SGCG: variants seen among roughly 807,000 people sequenced by gnomAD.
SGCG encodes sarcoglycan gamma.
A neutral mutation model predicts 29.3 loss-of-function variants in SGCG; 26 were observed. The ratio of observed to expected loss-of-function variants is 0.89; its 90% CI spans 0.65 to 1.23. The LOEUF is 1.23. Ranked by LOEUF, SGCG falls within the 50% of genes most tolerant of loss-of-function variation. The probability of loss-of-function intolerance (pLI) is 0.00; values close to 1 mark genes in which losing one functional copy is unlikely to be tolerated. For missense variants in SGCG, 353 were observed against 356.0 expected (o/e 0.99, Z 0.07); for synonymous variants, 145 against 129.7 (o/e 1.12, Z -0.80).
the SGCG span, among the ~76,000 whole-genome samples, chr13:23,163,212 C>CT: frequency 1.3e-5 from 2 of 152,160 alleles, no homozygotes; most frequent in Admixed American, 1.3e-4. Flanking sequence ...AACATGACAT[C>CT]TTCAAAATTA....
chr13:23,313,986 T>C (rs1882699100), intron 6 of SGCG, among the ~76,000 whole-genome samples: 1 of 152,126 alleles, frequency 6.6e-6, no homozygotes, highest in Non-Finnish European at 1.5e-5. Context: ...TTCCTGCCCT[T>C]GAACATCAGA....
At chr13:23,312,666 C>T (rs948390865) in intron 6 of SGCG, among the ~76,000 whole-genome samples, 8 of 152,024 alleles carry the variant, frequency 5.3e-5, no homozygotes, top group African/African-American at 1.9e-4. Context: ...GCCATTCGGG[C>T]AATGGTTAAC....
chr13:23,209,249 G>A (rs563582105), intron 2 of SGCG, among the ~76,000 whole-genome samples: 1 of 152,076 alleles, frequency 6.6e-6, no homozygotes, highest in Non-Finnish European at 1.5e-5. Flanking sequence ...TTTTTAGGAG[G>A]TCAGGAAACC....
chr13:23,192,131 C>T (rs915810188), intron 1 of SGCG, among the ~76,000 whole-genome samples: 1 of 147,940 alleles, frequency 6.8e-6, no homozygotes, highest in East Asian at 2.0e-4. Context: ...GCCGAGATCG[C>T]GCCATTGCAC....
chr13:23,229,148 G>T (rs758094590), intron 2 of SGCG, among the ~76,000 whole-genome samples: 1 of 152,146 alleles, frequency 6.6e-6, no homozygotes, highest in Admixed American at 6.5e-5. Context: ...GGGATTACAG[G>T]AACTGTAATC....
chr13:23,201,075 G>A (rs907281797), intron 1 of SGCG, among the ~76,000 whole-genome samples: 12 of 152,170 alleles, frequency 7.9e-5, no homozygotes, highest in Non-Finnish European at 1.3e-4. Context: ...TGTTAGAAAT[G>A]GACTGTAGGA....
rs149122629 is a variant in SGCG, at chr13:23,303,120, C to T, written c.578+7633C>T. Reference sequence around the variant, plus strand: ...TCACCAATTTTTTAATTTTCCCTTGCACATTACCCCTGGAAGTATTTCTAC... The same window carrying T: ...TCACCAATTTTTTAATTTTCCCTTGTACATTACCCCTGGAAGTATTTCTAC... On this transcript the variant is annotated intron_variant, in intron 6 of 7. Coordinates refer to ENST00000218867, the MANE Select transcript of SGCG (RefSeq NM_000231.3). Among the ~76,000 whole-genome samples the T allele has an allele frequency of 5.4e-3, 830 of 152,314 alleles. 8 individuals carry two copies. The highest frequency in any genetic ancestry group is 0.019 in the African/African-American group (788 of 41,560).
At chr13:23,266,128 T>C (rs1026278033) in intron 4 of SGCG, among the ~76,000 whole-genome samples, 6 of 151,664 alleles carry the variant, frequency 4.0e-5, no homozygotes, top group Admixed American at 2.6e-4. Flanking sequence ...ATACAAAAAT[T>C]AGGTATGGTG....
At chr13:23,213,895 C>G (rs1878328967) in intron 2 of SGCG, among the ~76,000 whole-genome samples, 2 of 152,162 alleles carry the variant, frequency 1.3e-5, no homozygotes, top group Non-Finnish European at 2.9e-5. Context: ...CTCCCTGGGG[C>G]TGGCTTCTGT....
intron 1 of SGCG, among the ~76,000 whole-genome samples, chr13:23,195,953 A>T (rs951015453): frequency 2.0e-5 from 3 of 151,996 alleles, no homozygotes; most frequent in Admixed American, 2.0e-4. Flanking sequence ...TACAAAAGAA[A>T]TTTGGGAAAT....
chr13:23,312,884 T>A (rs1184615297), intron 6 of SGCG, among the ~76,000 whole-genome samples: 2 of 152,126 alleles, frequency 1.3e-5, no homozygotes, highest in Non-Finnish European at 2.9e-5. Context: ...TAAAGAAATA[T>A]AAAAATCATG....
chr13:23,164,442 A>G, the SGCG span, among the ~76,000 whole-genome samples: 1 of 152,176 alleles, frequency 6.6e-6, no homozygotes, highest in Non-Finnish European at 1.5e-5. Flanking sequence ...ACGGAAGGAA[A>G]CTGGGCCCAG....
In SGCG at chr13:23,263,303, C is replaced by G. The variant is rs570243640; in HGVS notation, c.385+12586C>G. The stretch of plus-strand genomic sequence containing the variant: ...AGAAATGAAAATGGAGACAGTGCAA[C>G]TGACATCACAGAAATACTAAGGATC... On this transcript the variant is annotated intron_variant, in intron 4 of 7. Coordinates refer to ENST00000218867, the MANE Select transcript of SGCG (RefSeq NM_000231.3). Among the ~76,000 whole-genome samples the G allele has an allele frequency of 7.6e-4, 115 of 152,176 alleles. 4 individuals are homozygous for G. In the South Asian group the frequency reaches 0.022, roughly 29 times the overall value.
Position 23,324,505 on chromosome 13 carries a change from C to T in SGCG, c.840C>T (p.Ser280=). Reference sequence around the variant, plus strand: ...TGTACCTGTCTGTGGCCGGTGTGAGCACCACGTGCCAGGAGCACAACCACA... The same window carrying T: ...TGTACCTGTCTGTGGCCGGTGTGAGTACCACGTGCCAGGAGCACAACCACA... The part of the protein sequence containing the change: ...GKLYLSVAGV[S]TTCQEHNHIC... The change falls in exon 8 of 8, where the codon AGC becomes AGT. Residue 280 remains serine, a synonymous_variant. Transcript: ENST00000218867. 1 of 1,613,026 alleles carries T rather than the reference C, an allele frequency of 6.2e-7. No homozygotes were observed. Among genetic ancestry groups the T allele is most frequent in the Non-Finnish European group, 8.5e-7 (1 of 1,180,004 alleles).
rs190993559 is a variant in SGCG at position 23,251,271 on chromosome 13, A to G, written c.385+554A>G. 1.3e-3 allele frequency among the ~76,000 whole-genome samples: 205 copies of G among 152,324 alleles called. 2 individuals are homozygous for G. The highest frequency in any genetic ancestry group is 1.8e-3 in the Non-Finnish European group (123 of 68,032). On this transcript the variant is annotated intron_variant, in intron 4 of 7. Transcript: ENST00000218867. ...ACATCAAACAGTTTAGTCTTCAATT[A>G]CGCAAATTCTAAATCCACAAAGTAC...
intron 5 of SGCG, 65 bp downstream of exon 5, chr13:23,279,543 C>G (rs2137617923): frequency 1.3e-6 from 2 of 1,507,842 alleles, no homozygotes. Flanking sequence ...ACACATTGTA[C>G]TATTGACAAG....
At chr13:23,310,625 T>A (rs988944549) in intron 6 of SGCG, among the ~76,000 whole-genome samples, 3 of 152,294 alleles carry the variant, frequency 2.0e-5, no homozygotes, top group Admixed American at 6.5e-5. Context: ...GTAACTGGTT[T>A]ATTTGCCACA....
the SGCG span, among the ~76,000 whole-genome samples, chr13:23,161,863 C>A: frequency 6.6e-6 from 1 of 152,342 alleles, no homozygotes; most frequent in South Asian, 2.1e-4. Context: ...ATCAGACAGA[C>A]ACAATATTTA....
chr13:23,201,761 A>G (rs1353877282), intron 1 of SGCG, among the ~76,000 whole-genome samples: 3 of 152,236 alleles, frequency 2.0e-5, no homozygotes, highest in Non-Finnish European at 4.4e-5. Flanking sequence ...ATATACTCAC[A>G]TGTGTTCTTA....
Sources: gnomAD v4.1 joint callset for allele counts (sites outside exome capture counted in the v4.1 genomes callset) on GRCh38, gnomAD v4.1.1 for gene constraint, MANE v1.5 for transcripts, NCBI Gene and HGNC (gene_info 2026-07-23, HGNC 2026-07-21) for gene names.